The following ZSCAN2 variants were observed in gnomAD, a reference collection of about 807,000 sequenced individuals.
ZSCAN2 encodes zinc finger and SCAN domain-containing protein 2.
In ZSCAN2, 26 loss-of-function variants were observed where a neutral mutation model predicts 47.8. The ratio of observed to expected loss-of-function variants is 0.54; its 90% CI spans 0.40 to 0.75. ZSCAN2 has a LOEUF of 0.75. Among genes scored for constraint, ZSCAN2 ranks in the 30% least tolerant of loss-of-function variants. The pLI, the probability that ZSCAN2 is intolerant of heterozygous loss-of-function variation, is 0.00. For missense variants in ZSCAN2, 732 were observed against 785.4 expected (o/e 0.93, Z 0.81); for synonymous variants, 305 against 288.7 (o/e 1.06, Z -0.57).
intron 2 of ZSCAN2, among the ~76,000 whole-genome samples, chr15:84,619,099 A>T (rs1895757615): frequency 6.6e-6 from 1 of 152,118 alleles, no homozygotes. Context: ...TGGGCACTGG[A>T]AGGTTTAACA....
At chr15:84,611,909 A>G (rs1895560883) in intron 2 of ZSCAN2, 1 of 152,230 alleles carries the variant, frequency 6.6e-6, no homozygotes, top group South Asian at 2.1e-4. Flanking sequence ...CATTGCTATC[A>G]GTAAAAAAAT....
At chr15:84,606,620 T>C (rs1401243262) in intron 2 of ZSCAN2, 8 of 1,612,248 alleles carry the variant, frequency 5.0e-6, no homozygotes, top group East Asian at 2.2e-5. Context: ...GAGAGAGTGA[T>C]GGAGGGCTGA....
At chr15:84,612,270 C>G (rs1467917768) in intron 2 of ZSCAN2, 1 of 152,320 alleles carries the variant, frequency 6.6e-6, no homozygotes. Context: ...TAGAGGGCAA[C>G]TTGTGAAGAA....
intron 2 of ZSCAN2, among the ~76,000 whole-genome samples, chr15:84,612,510 G>T (rs1478159768): frequency 6.6e-6 from 1 of 152,146 alleles, no homozygotes; most frequent in African/African-American, 2.4e-5. Flanking sequence ...CGAGGCAGGT[G>T]GATCACGAGG....
Position 84,622,818 on chromosome 15 carries a change from A to G in ZSCAN2, c.*778A>G. ...CTGTGGTAGATCAGCTACCAGGGGA[A>G]CACATTTGTTCTCGTGGGGTTTTGT... On this transcript the variant is annotated 3_prime_UTR_variant, in exon 3 of 3. Transcript: ENST00000546148. 1 of 637,734 alleles carries G rather than the reference A, an allele frequency of 1.6e-6. No homozygotes were observed. 39.5% of individuals were successfully genotyped at this position (637,734 alleles called of 1,614,324 possible).
intron 1 of ZSCAN2, among the ~76,000 whole-genome samples, chr15:84,603,391 C>A (rs1315702124): frequency 7.2e-6 from 1 of 139,714 alleles, no homozygotes; most frequent in Non-Finnish European, 1.5e-5. Context: ...TTTTTTGAGA[C>A]GGAGTCTCAC....
rs1396489996 is a variant in ZSCAN2 at position 84,622,655 on chromosome 15, G to A, written c.*615G>A. ...CCCTTTCTATTTCCAGAAAGTGTCA[G>A]GAGCACAGAAACTTGAGGAAGTACA... On this transcript the variant is annotated 3_prime_UTR_variant, in exon 3 of 3. Transcript: ENST00000546148. The A allele has an allele frequency of 4.2e-6, 3 of 717,380 alleles. No individual in the cohort carries two copies. 44.4% of individuals were successfully genotyped at this position (717,380 alleles called of 1,614,324 possible). A position where few individuals can be genotyped will look rare whatever the true frequency, so the allele number is the denominator to read the frequency against.
Position 84,603,865 on chromosome 15 carries a change from A to G in ZSCAN2, c.-63A>G. On this transcript the variant is annotated 5_prime_UTR_variant, in exon 2 of 3. Transcript: ENST00000546148. ...TGAGGAGGGAAGTGTCTTACCTGAG[A>G]GCCTGGCTGGAGAAGACTGAGGTCC... The G allele has an allele frequency of 6.5e-7, 1 of 1,544,866 alleles. No individual in the cohort carries two copies. Among genetic ancestry groups the G allele is most frequent in the Non-Finnish European group, 8.7e-7 (1 of 1,143,616 alleles).
chr15:84,621,892 G>T lies in ZSCAN2; in HGVS notation c.1697G>T (p.Gly566Val), dbSNP rs1245820484. The change falls in exon 3 of 3, where the codon GGC (glycine) becomes GTC (valine). Residue 566 changes from glycine (G) to valine (V), a missense_variant. Transcript: ENST00000546148. This position sits in a 1 kb window ranked among gnomAD's most constrained non-coding sequence, Gnocchi z 5.7. ...KPYRCPECGK[G>V]FSWNSVLIIH... Reference sequence around the variant, plus strand: ...TACAGGTGCCCTGAGTGTGGGAAAGGCTTTAGCTGGAACTCAGTCCTCATT... The same window carrying T: ...TACAGGTGCCCTGAGTGTGGGAAAGTCTTTAGCTGGAACTCAGTCCTCATT... 7 of 1,614,190 alleles carry T rather than the reference G, an allele frequency of 4.3e-6. No homozygotes were observed. The South Asian group carries it at 4.4e-5, about 10-fold the overall frequency.
intron 2 of ZSCAN2, among the ~76,000 whole-genome samples, chr15:84,609,441 G>A (rs1007480101): frequency 1.1e-4 from 16 of 151,740 alleles, no homozygotes; most frequent in Non-Finnish European, 2.9e-5. Flanking sequence ...TCCTGTTTCA[G>A]CCACCCAAAG....
chr15:84,612,009 T>C (rs937963173), intron 2 of ZSCAN2: 4 of 152,212 alleles, frequency 2.6e-5, no homozygotes, highest in African/African-American at 7.2e-5. Context: ...CAAAACCAGT[T>C]TCTGAGTTTT....
chr15:84,609,302 G>C (rs1456470489), intron 2 of ZSCAN2, among the ~76,000 whole-genome samples: 9 of 148,904 alleles, frequency 6.0e-5, no homozygotes, highest in Non-Finnish European at 1.5e-5. Flanking sequence ...TGATATATGA[G>C]ATATATGATA....
At position 84,604,098 on chromosome 15, in the gene ZSCAN2, C is replaced by T. The variant is rs757875944; in HGVS notation, c.171C>T (p.Pro57=). Residue 57 remains proline, a synonymous_variant, in exon 2 of 3, where the codon CCC becomes CCT. Transcript: ENST00000546148. ...QEDGPESEPF[P]QSAGKGGPQE... ...ATGGCCCTGAGTCTGAGCCCTTTCC[C>T]CAGAGTGCTGGCAAGGGCGGCCCCC... The T allele has an allele frequency of 6.2e-7, 1 of 1,614,144 alleles. No homozygotes were observed. The highest frequency in any genetic ancestry group is 1.1e-5 in the South Asian group (1 of 91,080).
intron 2 of ZSCAN2, among the ~76,000 whole-genome samples, chr15:84,617,192 T>G (rs1280537869): frequency 2.6e-5 from 4 of 151,828 alleles, no homozygotes; most frequent in Non-Finnish European, 4.4e-5. Context: ...TCCCAGCACT[T>G]TGGGAGGCCA....
In ZSCAN2 at chr15:84,621,782, C is replaced by G. The variant is rs1229359221; in HGVS notation, c.1587C>G (p.Pro529=). 6.2e-7 allele frequency: 1 copy of G among 1,614,242 alleles called. No individual in the cohort carries two copies. Among genetic ancestry groups the G allele is most frequent in the Admixed American group, 1.7e-5 (1 of 60,032 alleles). ...AGCGGACCCACACGGGCGAGAAGCC[C>G]TACAAATGCCTCATGTGCGGCAAGA... ...VHQRTHTGEK[P]YKCLMCGKSF... Residue 529 remains proline (P), a synonymous_variant, in exon 3 of 3, where the codon CCC becomes CCG. Coordinates refer to ENST00000546148, the MANE Select transcript of ZSCAN2 (RefSeq NM_181877.4). This position sits in a 1 kb window ranked among gnomAD's most constrained non-coding sequence, Gnocchi z 5.7.
chr15:84,606,983 C>T, intron 2 of ZSCAN2: 1 of 521,342 alleles, frequency 1.9e-6, no homozygotes, highest in Non-Finnish European at 2.5e-6. Context: ...AGCTTATGAC[C>T]TTTGGACACA....
At position 84,621,602 on chromosome 15, in the gene ZSCAN2, A is replaced by G. The variant is rs373217368; in HGVS notation, c.1407A>G (p.Thr469=). ...TGATTGCACACCAGGGCATGCACAC[A>G]GGGGAGAAACCCTACGAGTGCCTGA... ...SSLIAHQGMH[T]GEKPYECLTC... is the part of the protein sequence containing the mutation. Residue 469 remains threonine, a synonymous_variant, in exon 3 of 3, where the codon ACA becomes ACG. Coordinates refer to ENST00000546148, the MANE Select transcript of ZSCAN2 (RefSeq NM_181877.4). This position sits in a 1 kb window ranked among gnomAD's most constrained non-coding sequence, Gnocchi z 5.7. The G allele has an allele frequency of 5.0e-5, 81 of 1,613,852 alleles. No homozygotes were observed. Among genetic ancestry groups the G allele is most frequent in the Non-Finnish European group, 6.4e-5 (76 of 1,179,966 alleles).
At chr15:84,609,306 T>G (rs1020077830) in intron 2 of ZSCAN2, among the ~76,000 whole-genome samples, 10 of 149,534 alleles carry the variant, frequency 6.7e-5, no homozygotes, top group Non-Finnish European at 1.3e-4. Flanking sequence ...ATATGAGATA[T>G]ATGATATATC....
At chr15:84,620,133 C>A (rs1485954222) in intron 2 of ZSCAN2, among the ~76,000 whole-genome samples, 1 of 152,020 alleles carries the variant, frequency 6.6e-6, no homozygotes, top group African/African-American at 2.4e-5. Context: ...GTGTTATTTC[C>A]CTCCATGTGC....
Sources: allele counts gnomAD v4.1 joint callset (sites outside exome capture counted in the v4.1 genomes callset), GRCh38; gene constraint gnomAD v4.1.1; non-coding constraint Gnocchi (gnomAD v3.1); transcripts MANE v1.5; gene names NCBI Gene and HGNC (gene_info 2026-07-23, HGNC 2026-07-21).